The following TSHZ2 variants were observed in gnomAD, a reference collection of about 807,000 sequenced individuals.
TSHZ2 encodes teashirt homolog 2.
A neutral mutation model predicts 74.4 loss-of-function variants in TSHZ2; 21 were observed. The ratio of observed to expected loss-of-function variants is 0.28; its 90% CI spans 0.20 to 0.41. The LOEUF is 0.41. Among genes scored for constraint, TSHZ2 ranks in the 10% least tolerant of loss-of-function variants. The pLI, the probability that TSHZ2 is intolerant of heterozygous loss-of-function variation, is 1.00. For missense variants in TSHZ2, 1,244 were observed against 1,293.5 expected (o/e 0.96, Z 0.59); for synonymous variants, 540 against 515.3 (o/e 1.05, Z -0.65).
chr20:53,351,416 A>G (rs1980641100), intron 2 of TSHZ2, among the ~76,000 whole-genome samples: 1 of 152,264 alleles, frequency 6.6e-6, no homozygotes, highest in Admixed American at 6.5e-5. Flanking sequence ...GGAGAAAAAT[A>G]TGAAGAAAAT....
At chr20:53,269,358 T>TG (rs921651164) in intron 2 of TSHZ2, among the ~76,000 whole-genome samples, 3 of 117,152 alleles carry the variant, frequency 2.6e-5, no homozygotes, top group African/African-American at 6.5e-5. Context: ...CTGGGAGGGG[T>TG]GGGGGGGATA....
rs200430796 is a variant in TSHZ2, at chr20:53,158,871, C to T, written c.41-94628C>T. 4.1e-4 allele frequency among the ~76,000 whole-genome samples: 62 copies of T among 152,356 alleles called. No individual in the cohort carries two copies. In the East Asian group the frequency reaches 8.3e-3, roughly 20 times the overall value. ...GGCTGGTCTTTGCCTCACCTGCCCA[C>T]TTTGCACACAAAAGCCACAACAATC... On this transcript the variant is annotated intron_variant, in intron 1 of 2. Coordinates refer to ENST00000371497, the MANE Select transcript of TSHZ2 (RefSeq NM_173485.6).
At chr20:53,354,525 C>T (rs1282761598) in intron 2 of TSHZ2, among the ~76,000 whole-genome samples, 1 of 152,168 alleles carries the variant, frequency 6.6e-6, no homozygotes, top group Non-Finnish European at 1.5e-5. Context: ...GTGAAGGGCT[C>T]AAAACATTAT....
chr20:53,054,405 T>C (rs1984573900), intron 1 of TSHZ2, among the ~76,000 whole-genome samples: 1 of 152,244 alleles, frequency 6.6e-6, no homozygotes, highest in Non-Finnish European at 1.5e-5. Context: ...GTCAAGCTCA[T>C]TTAGCAGATT....
At chr20:53,282,387 G>T (rs750347951) in intron 2 of TSHZ2, among the ~76,000 whole-genome samples, 1 of 152,234 alleles carries the variant, frequency 6.6e-6, no homozygotes, top group Admixed American at 6.5e-5. Context: ...ATGCAGATCA[G>T]TGAGGGAGAG....
chr20:53,448,054 C>T (rs1244183402), intron 2 of TSHZ2, among the ~76,000 whole-genome samples: 4 of 151,948 alleles, frequency 2.6e-5, no homozygotes, highest in African/African-American at 9.7e-5. Flanking sequence ...GCTGGGACTA[C>T]AGGCACCTGC....
intron 1 of TSHZ2, among the ~76,000 whole-genome samples, chr20:53,001,772 T>A (rs1982449914): frequency 6.6e-6 from 1 of 152,174 alleles, no homozygotes. Context: ...TCAGGAAGGT[T>A]TAACGTTACG....
intron 2 of TSHZ2, among the ~76,000 whole-genome samples, chr20:53,382,651 A>G (rs1278222868): frequency 2.0e-5 from 3 of 152,224 alleles, no homozygotes; most frequent in Non-Finnish European, 4.4e-5. Context: ...CAGGCACTCC[A>G]TGGCTCCCCC....
chr20:53,192,424 C>G (rs1408041464), intron 1 of TSHZ2, among the ~76,000 whole-genome samples: 4 of 151,992 alleles, frequency 2.6e-5, no homozygotes, highest in Non-Finnish European at 4.4e-5. Context: ...AGAGCAAAAG[C>G]TTAGTAAATG....
intron 1 of TSHZ2, among the ~76,000 whole-genome samples, chr20:53,188,824 C>G (rs753627939): frequency 2.0e-5 from 3 of 152,070 alleles, no homozygotes; most frequent in Non-Finnish European, 4.4e-5. Flanking sequence ...ATATAAGAAC[C>G]TGATTAGCAA....
intron 1 of TSHZ2, among the ~76,000 whole-genome samples, chr20:53,222,104 A>T (rs553212409): frequency 1.3e-5 from 2 of 152,214 alleles, no homozygotes; most frequent in Non-Finnish European, 2.9e-5. Context: ...GCTAAAAGAT[A>T]TAAAAAGAGG....
intron 1 of TSHZ2, among the ~76,000 whole-genome samples, chr20:53,206,179 G>A (rs752660993): frequency 1.5e-4 from 23 of 152,260 alleles, no homozygotes; most frequent in Non-Finnish European, 3.1e-4. Context: ...ACATTGCACC[G>A]CTGCACTCCA....
At chr20:53,356,608 T>C (rs948909084) in intron 2 of TSHZ2, among the ~76,000 whole-genome samples, 1 of 152,204 alleles carries the variant, frequency 6.6e-6, no homozygotes, top group African/African-American at 2.4e-5. Flanking sequence ...CCATTGAAGA[T>C]CATAGATAAA....
intron 1 of TSHZ2, among the ~76,000 whole-genome samples, chr20:53,140,441 G>A (rs1405008387): frequency 1.3e-5 from 2 of 150,816 alleles, no homozygotes; most frequent in African/African-American, 4.9e-5. Context: ...TCAGGAGGCT[G>A]AGGCAGGAGA....
intron 2 of TSHZ2, among the ~76,000 whole-genome samples, chr20:53,318,122 A>G (rs960668297): frequency 6.6e-6 from 1 of 152,244 alleles, no homozygotes; most frequent in African/African-American, 2.4e-5. Flanking sequence ...GATCAGAAAA[A>G]TAAACAACTA....
chr20:53,305,476 C>G (rs1978493733), intron 2 of TSHZ2, among the ~76,000 whole-genome samples: 1 of 152,224 alleles, frequency 6.6e-6, no homozygotes, highest in Admixed American at 6.5e-5. Flanking sequence ...TGGGACACGC[C>G]AAGCTATATC....
At chr20:53,456,785 G>A (rs1269753200) in intron 2 of TSHZ2, among the ~76,000 whole-genome samples, 1 of 68,802 alleles carries the variant, frequency 1.5e-5, no homozygotes, top group Non-Finnish European at 2.6e-5. Flanking sequence ...TGGCTAGCCA[G>A]TTTTCCCAGC....
intron 1 of TSHZ2, among the ~76,000 whole-genome samples, chr20:53,147,868 C>T (rs1351940140): frequency 6.6e-6 from 1 of 152,138 alleles, no homozygotes; most frequent in East Asian, 1.9e-4. Flanking sequence ...AGGCATGCAC[C>T]ACCACGCCTG....
At chr20:53,380,163 T>TGTGTGTGTGTGCGC (rs3971382) in intron 2 of TSHZ2, among the ~76,000 whole-genome samples, 3 of 150,944 alleles carry the variant, frequency 2.0e-5, no homozygotes, top group African/African-American at 7.4e-5. Flanking sequence ...TGTGTGTGTG[T>TGTGTGTGTGTGCGC]GCACACGCAT....
Sources: allele counts gnomAD v4.1 joint callset (sites outside exome capture counted in the v4.1 genomes callset), GRCh38; gene constraint gnomAD v4.1.1; transcripts MANE v1.5; gene names NCBI Gene and HGNC (gene_info 2026-07-23, HGNC 2026-07-21).